The following NARS1 variants were observed in gnomAD, a reference collection of about 807,000 sequenced individuals.
NARS1 encodes asparaginyl-tRNA synthetase 1.
Under a neutral mutation model 79.2 loss-of-function variants are expected in NARS1, and 65 were observed. The observed-to-expected ratio is 0.82, with a 90% CI of 0.67 to 1.01. The LOEUF is 1.01. Among genes scored for constraint, NARS1 ranks in the 50% least tolerant of loss-of-function variants. NARS1 has a pLI of 0.00. For synonymous variants in NARS1, 229 were observed against 238.8 expected (o/e 0.96, Z 0.38); for missense variants, 649 against 673.8 (o/e 0.96, Z 0.41).
intron 12 of NARS1, 154 bp downstream of exon 12, chr18:57,602,658 C>T: frequency 8.3e-7 from 1 of 1,199,150 alleles, no homozygotes; most frequent in Non-Finnish European, 1.2e-6. Context: ...ATGTCAACTT[C>T]AATCAGGGGA....
In NARS1 at chr18:57,607,425, C is replaced by T. The variant is rs1359939915; in HGVS notation, c.801+19G>A. On this transcript the variant is annotated intron_variant, in intron 8 of 13. Coordinates refer to ENST00000256854, the MANE Select transcript of NARS1 (RefSeq NM_004539.4). ...GCAAAAAACATATTCTTTGCAAAAG[C>T]TGACGAATGCATACTTACTTCATAG... 10 of 1,612,346 alleles carry T rather than the reference C, an allele frequency of 6.2e-6. No homozygotes were observed. The South Asian group carries it at 8.8e-5, about 14-fold the overall frequency.
Position 57,621,750 on chromosome 18 carries a change from C to G in NARS1, c.-33G>C. 1 of 1,613,930 alleles carries G rather than the reference C, an allele frequency of 6.2e-7. No homozygotes were observed. The highest frequency in any genetic ancestry group is 1.1e-5 in the South Asian group (1 of 91,076). On this transcript the variant is annotated 5_prime_UTR_variant, in exon 1 of 14. Coordinates refer to ENST00000256854, the MANE Select transcript of NARS1 (RefSeq NM_004539.4). ...GTGGCCCTGGTCACCTCCAAGGACA[C>G]AGACTGCAACACCGACGCCGTCTTA...
chr18:57,613,761 T>C, intron 4 of NARS1, 81 bp from the exon 5 acceptor site: 2 of 1,154,224 alleles, frequency 1.7e-6, no homozygotes, highest in South Asian at 1.3e-5. Flanking sequence ...AGGCAGACGG[T>C]AGTAAGTGTT....
chr18:57,606,285 G>A (rs1263595275), intron 10 of NARS1, among the ~76,000 whole-genome samples: 1 of 150,814 alleles, frequency 6.6e-6, no homozygotes, highest in Non-Finnish European at 1.5e-5. Context: ...GGCAGAGGTT[G>A]CAGTGAGCAG....
intron 7 of NARS1, among the ~76,000 whole-genome samples, chr18:57,608,322 C>T (rs532772996): frequency 9.2e-5 from 14 of 151,362 alleles, no homozygotes; most frequent in Admixed American, 2.0e-4. Flanking sequence ...TGGTGGCGCA[C>T]GCCTATAGTC....
rs935955701 is a variant in NARS1, at chr18:57,602,495, A to G, written c.1384-9T>C. The G allele has an allele frequency of 1.9e-5, 31 of 1,613,450 alleles. No individual in the cohort carries two copies. The highest frequency in any genetic ancestry group is 1.3e-4 in the African/African-American group (10 of 74,892). ...GGCATCAACACGTCGACCTTTAAATATAAGTGAAAGAAGATACACAATTAC... is the reference window on the plus strand; with the variant it reads ...GGCATCAACACGTCGACCTTTAAATGTAAGTGAAAGAAGATACACAATTAC... On this transcript the variant is annotated splice_polypyrimidine_tract_variant and intron_variant, in intron 12 of 13. Transcript: ENST00000256854.
In NARS1 at chr18:57,607,450, G is replaced by A; in HGVS notation, c.795C>T (p.Tyr265=). ...CTGACGAATGCATACTTACTTCATA[G>A]TACCCCCTATCAAAGAAGTGATCTC... ...CFRDHFFDRG[Y]YEVTPPTLVQ... is the part of the protein sequence containing the mutation. Residue 265 remains tyrosine (Y), a synonymous_variant, in exon 8 of 14, where the codon TAC becomes TAT. Coordinates refer to ENST00000256854, the MANE Select transcript of NARS1 (RefSeq NM_004539.4). The A allele has an allele frequency of 1.2e-6, 2 of 1,613,910 alleles. No homozygotes were observed. The highest frequency in any genetic ancestry group is 1.7e-6 in the Non-Finnish European group (2 of 1,179,876).
At chr18:57,617,808 G>A (rs527725049) in intron 2 of NARS1, among the ~76,000 whole-genome samples, 9 of 147,252 alleles carry the variant, frequency 6.1e-5, no homozygotes, top group African/African-American at 1.3e-4. Flanking sequence ...CCAGCTACTC[G>A]GGAGGCTGAG....
At chr18:57,610,510 C>A (rs138888438) in intron 6 of NARS1, among the ~76,000 whole-genome samples, 1 of 152,230 alleles carries the variant, frequency 6.6e-6, no homozygotes, top group Non-Finnish European at 1.5e-5. Context: ...CCTTACATGC[C>A]TCTTGACGTG....
At chr18:57,606,366 A>G (rs2051557214) in intron 10 of NARS1, among the ~76,000 whole-genome samples, 1 of 148,524 alleles carries the variant, frequency 6.7e-6, no homozygotes, top group African/African-American at 2.5e-5. Flanking sequence ...ATATATATAT[A>G]TATATATATA....
At chr18:57,601,905 G>A (rs1032307459) in intron 13 of NARS1, 122 bp from the exon 14 acceptor site, 2 of 1,003,624 alleles carry the variant, frequency 2.0e-6, no homozygotes, top group Admixed American at 2.1e-5. Context: ...TTCAACTATG[G>A]CCAGATTCAG....
At position 57,607,551 on chromosome 18, in the gene NARS1, T is replaced by C; in HGVS notation, c.694A>G (p.Asn232Asp). 2 of 1,614,198 alleles carry C rather than the reference T, an allele frequency of 1.2e-6. No homozygotes were observed. Among genetic ancestry groups the C allele is most frequent in the South Asian group, 1.1e-5 (1 of 91,084 alleles). The change falls in exon 8 of 14, where the codon AAC becomes GAC. Residue 232 changes from asparagine to aspartate, a missense_variant. Asn to Asp is a conservative substitution (Grantham distance 23). Coordinates refer to ENST00000256854, the MANE Select transcript of NARS1 (RefSeq NM_004539.4). ...TCTCCTCGGATCATCATGTGTCTGT[T>C]GTTGAGCTGGACATCAACGTCAGAC... ...EESDVDVQLN[N>D]RHMMIRGENM...
intron 9 of NARS1, 66 bp downstream of exon 9, chr18:57,607,068 T>C (rs1369834397): frequency 8.3e-6 from 12 of 1,443,248 alleles, no homozygotes; most frequent in Non-Finnish European, 1.9e-6. Flanking sequence ...ATAATTTACC[T>C]ACACTAAGAT....
intron 5 of NARS1, among the ~76,000 whole-genome samples, 163 bp from the exon 6 acceptor site, chr18:57,611,870 C>T (rs934841339): frequency 2.6e-5 from 4 of 152,128 alleles, no homozygotes; most frequent in Admixed American, 2.0e-4. Flanking sequence ...TCAAGCAAAC[C>T]TCTCACCTTA....
In NARS1 at chr18:57,615,902, T is replaced by C. The variant is rs539037447; in HGVS notation, c.167A>G (p.Asn56Ser). 10 of 1,613,448 alleles carry C rather than the reference T, an allele frequency of 6.2e-6. No homozygotes were observed. Among genetic ancestry groups the C allele is most frequent in the African/African-American group, 5.3e-5 (4 of 75,022 alleles). ...CTTCAACTGTGATTTAGAAATAACATTCCACCTCTCATTTTCTTTTTGTGA... is the reference window on the plus strand; with the variant it reads ...CTTCAACTGTGATTTAGAAATAACACTCCACCTCTCATTTTCTTTTTGTGA... ...VDSQKENERW[N>S]VISKSQLKNI... The change falls in exon 3 of 14, where the codon AAT becomes AGT. Residue 56 changes from asparagine (N) to serine (S), a missense_variant. By Grantham distance (46) the Asn-to-Ser change is conservative. Transcript: ENST00000256854.
rs1332049591 is a variant in NARS1, at chr18:57,607,471, A to C, written c.774T>G (p.Asp258Glu). ...ARSMVTRCFR[D>E]HFFDRGYYEV... ...CATAGTACCCCCTATCAAAGAAGTG[A>C]TCTCTAAAGCACCTGGTGACCATGG... The change falls in exon 8 of 14, where the codon GAT (aspartate) becomes GAG (glutamate). Residue 258 changes from aspartate to glutamate, a missense_variant. Physicochemically the swap from Asp to Glu is conservative, Grantham distance 45. Coordinates refer to ENST00000256854, the MANE Select transcript of NARS1 (RefSeq NM_004539.4). The C allele has an allele frequency of 6.2e-7, 1 of 1,614,064 alleles. No homozygotes were observed. Among genetic ancestry groups the C allele is most frequent in the Non-Finnish European group, 8.5e-7 (1 of 1,180,024 alleles).
At chr18:57,616,377 G>A (rs1908030203) in intron 2 of NARS1, among the ~76,000 whole-genome samples, 1 of 149,718 alleles carries the variant, frequency 6.7e-6, no homozygotes, top group Non-Finnish European at 1.5e-5. Context: ...CCAAGATCGT[G>A]CCACTGCACT....
rs2051565090 is a variant in NARS1 at position 57,607,171 on chromosome 18, G to A, written c.964C>T (p.Arg322Trp). The change falls in exon 9 of 14, where the codon CGG becomes TGG. Residue 322 changes from arginine (R) to tryptophan (W), a missense_variant. Transcript: ENST00000256854. ...GDVFCIAQSY[R>W]AEQSRTRRHL... ...CTTCGTGTTCTGGACTGCTCTGCCC[G>A]GTATGACTGAGCAATACAAAAAACA... 1.9e-6 allele frequency: 3 copies of A among 1,613,940 alleles called. No homozygotes were observed. The highest frequency in any genetic ancestry group is 1.7e-6 in the Non-Finnish European group (2 of 1,179,978).
At position 57,605,610 on chromosome 18, in the gene NARS1, CAAAAAAAAAAAAA is replaced by C. The variant is rs11285116; in HGVS notation, c.1251+234_1251+246del. ...TAGGCGACAGAGCGAGACTCCGTCT[CAAAAAAAAAAAAA>C]AAAAAGAAAAAAAAAGAAACTCACT... On this transcript the variant is annotated intron_variant, in intron 11 of 13. Coordinates refer to ENST00000256854, the MANE Select transcript of NARS1 (RefSeq NM_004539.4). Among the ~76,000 whole-genome samples, 96 of 109,630 alleles carry C rather than the reference CAAAAAAAAAAAAA, an allele frequency of 8.8e-4. 2 individuals carry two copies. In the East Asian group the frequency reaches 0.025, roughly 28 times the overall value. The allele number at this position is 109,630 out of a possible 152,430, so 71.9% of individuals were successfully genotyped here. A position where few individuals can be genotyped will look rare whatever the true frequency, so the allele number is the denominator to read the frequency against.
Sources: allele counts gnomAD v4.1 joint callset (sites outside exome capture counted in the v4.1 genomes callset), GRCh38; gene constraint gnomAD v4.1.1; transcripts MANE v1.5; gene names NCBI Gene and HGNC (gene_info 2026-07-23, HGNC 2026-07-21).